The following JADE2 variants were observed in gnomAD, a reference collection of about 807,000 sequenced individuals.
JADE2 encodes E3 ubiquitin-protein ligase Jade-2.
In JADE2, 13 loss-of-function variants were observed where a neutral mutation model predicts 85.7. The observed-to-expected ratio is 0.15, with a 90% confidence interval of 0.10 to 0.24. JADE2 has a LOEUF of 0.24. JADE2 is among the 10% of genes least tolerant of loss of function. JADE2 has a pLI of 1.00. For missense variants in JADE2, 846 were observed against 1,115.9 expected, an observed-to-expected ratio of 0.76 and a Z score of 3.45; for synonymous variants, 440 against 456.1, an observed-to-expected ratio of 0.96 and a Z score of 0.45.
chr5:134,568,692 C>T (rs889196985), intron 9 of JADE2, among the ~76,000 whole-genome samples: 13 of 152,242 alleles, frequency 8.5e-5, no homozygotes, highest in South Asian at 2.1e-4. Context: ...CAGGGGCATG[C>T]ACAGCCCTGG....
At position 134,566,726 on chromosome 5, in the gene JADE2, A is replaced by G; in HGVS notation, c.1434+146A>G. ...ACCGGCCCTGCTGCAGGAGCCTGCC[A>G]AGGGGCTGAGGGCTTTCAGGTCCCA... On this transcript the variant is annotated intron_variant, in intron 9 of 11. Coordinates refer to ENST00000681547, the MANE Select transcript of JADE2 (RefSeq NM_001388185.1). This position sits in a 1 kb window ranked among gnomAD's most constrained non-coding sequence, Gnocchi z 6.7. The G allele has an allele frequency of 1.5e-6, 1 of 664,350 alleles. No homozygotes were observed. The highest frequency in any genetic ancestry group is 1.9e-5 in the South Asian group (1 of 51,660). The allele number at this position is 664,350 out of a possible 1,614,324, so 41.2% of individuals were successfully genotyped here.
chr5:134,564,456 G>A (rs1581461415), intron 7 of JADE2, 38 bp from the exon 8 acceptor site: 1 of 1,401,790 alleles, frequency 7.1e-7, no homozygotes, highest in Non-Finnish European at 9.7e-7. Context: ...GCAGGCTGGG[G>A]ATGAGAGGAA....
At chr5:134,559,771 C>A in intron 4 of JADE2, 59 bp from the exon 5 acceptor site, 1 of 1,544,604 alleles carries the variant, frequency 6.5e-7, no homozygotes, top group South Asian at 1.2e-5. Flanking sequence ...CTCCCTGGAG[C>A]CCCTATGGCG....
chr5:134,525,469 G>C (rs1399452405), upstream of JADE2, among the ~76,000 whole-genome samples: 2 of 151,476 alleles, frequency 1.3e-5, no homozygotes, highest in African/African-American at 2.4e-5. Flanking sequence ...ACGCTACCTG[G>C]ACTCCCCGCC....
At chr5:134,554,954 T>C (rs1007475516) in intron 4 of JADE2, among the ~76,000 whole-genome samples, 3 of 152,164 alleles carry the variant, frequency 2.0e-5, no homozygotes, top group Non-Finnish European at 4.4e-5. Context: ...ATTTTATAGA[T>C]GAGGAAGTCG....
intron 4 of JADE2, among the ~76,000 whole-genome samples, chr5:134,553,672 C>A (rs888063643): frequency 6.6e-6 from 1 of 152,204 alleles, no homozygotes; most frequent in African/African-American, 2.4e-5. Flanking sequence ...CTTTTGACAT[C>A]TTGAACCTTT....
chr5:134,569,447 C>T (rs906525344), intron 9 of JADE2, among the ~76,000 whole-genome samples: 13 of 152,224 alleles, frequency 8.5e-5, no homozygotes, highest in Admixed American at 5.9e-4. Flanking sequence ...GGCCTCGGCC[C>T]CAGCGGACGC....
intron 3 of JADE2, among the ~76,000 whole-genome samples, chr5:134,546,950 G>A (rs905688171): frequency 6.6e-6 from 1 of 152,184 alleles, no homozygotes; most frequent in East Asian, 1.9e-4. Context: ...CCAGGATGAA[G>A]TGTTCAAATC....
At chr5:134,577,424 G>A (rs2150027836) in intron 11 of JADE2, among the ~76,000 whole-genome samples, 1 of 152,324 alleles carries the variant, frequency 6.6e-6, no homozygotes, top group East Asian at 1.9e-4. Context: ...TGTGACTCAT[G>A]GACCTCACGT....
At chr5:134,536,236 G>GA (rs1411679725) in intron 2 of JADE2, among the ~76,000 whole-genome samples, 1 of 152,178 alleles carries the variant, frequency 6.6e-6, no homozygotes, top group Non-Finnish European at 1.5e-5. Flanking sequence ...GGTCCATATA[G>GA]AAAGTCTGTA....
At chr5:134,531,883 C>CCTTTT (rs1761262193) in intron 1 of JADE2, among the ~76,000 whole-genome samples, 1 of 38,478 alleles carries the variant, frequency 2.6e-5, no homozygotes, top group South Asian at 1.1e-3. Context: ...CCGTGCCTGG[C>CCTTTT]TTTTTTTTTT....
intron 1 of JADE2, among the ~76,000 whole-genome samples, chr5:134,531,609 G>A (rs1761240838): frequency 6.6e-6 from 1 of 150,940 alleles, no homozygotes. Flanking sequence ...TTGAGACAGA[G>A]TCCCACTCTG....
At position 134,581,283 on chromosome 5, in the gene JADE2, A is replaced by G. The variant is rs1764699897; in HGVS notation, c.*1966A>G. ...CCTGCCCGCCTTGGTAGTAGTGACC[A>G]GTCAGTGTCAGCATCAGTGTCCCAA... is the stretch of plus-strand genomic sequence containing the variant. On this transcript the variant is annotated 3_prime_UTR_variant, in exon 12 of 12. Coordinates refer to ENST00000681547, the MANE Select transcript of JADE2 (RefSeq NM_001388185.1). 6.5e-6 allele frequency: 1 copy of G among 152,682 alleles called. No individual in the cohort carries two copies. The highest frequency in any genetic ancestry group is 1.5e-5 in the Non-Finnish European group (1 of 68,080). 9.5% of individuals were successfully genotyped at this position (152,682 alleles called of 1,614,324 possible).
chr5:134,534,530 C>T (rs1484196118), intron 1 of JADE2, among the ~76,000 whole-genome samples: 1 of 152,060 alleles, frequency 6.6e-6, no homozygotes, highest in Non-Finnish European at 1.5e-5. Flanking sequence ...GGCAGGAGGG[C>T]CATCCTGGTC....
chr5:134,570,591 C>T (rs940513376), intron 9 of JADE2, among the ~76,000 whole-genome samples: 1 of 152,208 alleles, frequency 6.6e-6, no homozygotes, highest in African/African-American at 2.4e-5. Context: ...CAGAGCCTGC[C>T]ACCTGGGCTG....
chr5:134,527,209 C>G (rs929586537), intron 1 of JADE2, among the ~76,000 whole-genome samples: 2 of 151,714 alleles, frequency 1.3e-5, no homozygotes, highest in African/African-American at 2.4e-5. Context: ...CTCCTTCCTC[C>G]CTCTCCCTCC....
intron 9 of JADE2, among the ~76,000 whole-genome samples, chr5:134,568,094 T>G (rs192163899): frequency 2.6e-5 from 4 of 152,322 alleles, no homozygotes; most frequent in Non-Finnish European, 5.9e-5. Flanking sequence ...CCCTCAGAAC[T>G]GACCTCTCTG....
At chr5:134,559,288 A>T (rs1279350387) in intron 4 of JADE2, among the ~76,000 whole-genome samples, 1 of 152,118 alleles carries the variant, frequency 6.6e-6, no homozygotes, top group African/African-American at 2.4e-5. Flanking sequence ...GGCTGTTGGT[A>T]AGAAGGGGGC....
At chr5:134,565,719 G>A (rs960358515) in intron 8 of JADE2, among the ~76,000 whole-genome samples, 2 of 151,964 alleles carry the variant, frequency 1.3e-5, no homozygotes, top group African/African-American at 4.8e-5. Context: ...TGTAGCCCTA[G>A]CTACTTGGGA....
Sources: allele counts gnomAD v4.1 joint callset (sites outside exome capture counted in the v4.1 genomes callset), GRCh38; gene constraint gnomAD v4.1.1; non-coding constraint Gnocchi (gnomAD v3.1); transcripts MANE v1.5; gene names NCBI Gene and HGNC (gene_info 2026-07-23, HGNC 2026-07-21).